ITGA9: variants seen among roughly 807,000 people sequenced by gnomAD.
ITGA9 encodes integrin alpha-9.
In ITGA9, 56 loss-of-function variants were observed where a neutral mutation model predicts 127.8. That is an observed-to-expected ratio of 0.44 (90% CI 0.35 to 0.55). The LOEUF (loss-of-function observed/expected upper bound fraction) is 0.55. ITGA9 is among the 20% of genes least tolerant of loss of function. The pLI, the probability that ITGA9 is intolerant of heterozygous loss-of-function variation, is 0.00. For synonymous variants in ITGA9, 508 were observed against 514.5 expected (o/e 0.99, Z 0.17); for missense variants, 1,196 against 1,347.1 (o/e 0.89, Z 1.76).
intron 26 of ITGA9, among the ~76,000 whole-genome samples, chr3:37,800,123 G>A (rs990022744): frequency 3.9e-5 from 6 of 152,166 alleles, no homozygotes; most frequent in African/African-American, 9.7e-5. Flanking sequence ...GCATTCTTGT[G>A]GAACTTGACA....
rs538281581 is a variant in ITGA9 at position 37,629,906 on chromosome 3, C to T, written c.1839+570C>T. On this transcript the variant is annotated intron_variant, in intron 16 of 27. Transcript: ENST00000264741. This position sits in a 1 kb window ranked among gnomAD's most constrained non-coding sequence, Gnocchi z 4.5. ...CGTATGAAGTAGGAGTGAGCCTGTGCCTGATTTTGTGCAGCAGCGCTGGCC... is the reference window on the plus strand; with the variant it reads ...CGTATGAAGTAGGAGTGAGCCTGTGTCTGATTTTGTGCAGCAGCGCTGGCC... 1.1e-4 allele frequency among the ~76,000 whole-genome samples: 16 copies of T among 152,304 alleles called. No homozygotes were observed. In the East Asian group the frequency reaches 2.7e-3, roughly 26 times the overall value.
chr3:37,770,916 C>G (rs947274806), intron 23 of ITGA9, among the ~76,000 whole-genome samples: 7 of 152,180 alleles, frequency 4.6e-5, no homozygotes, highest in African/African-American at 1.7e-4. Flanking sequence ...GCACAATGTC[C>G]TCTTTGGGGT....
chr3:37,576,482 C>G (rs1465897752), intron 15 of ITGA9, among the ~76,000 whole-genome samples: 1 of 152,102 alleles, frequency 6.6e-6, no homozygotes, highest in African/African-American at 2.4e-5. Context: ...GAAACATTCC[C>G]CCTGGGCTCA....
intron 15 of ITGA9, among the ~76,000 whole-genome samples, chr3:37,586,767 C>T (rs1171741649): frequency 6.6e-6 from 1 of 152,186 alleles, no homozygotes; most frequent in Non-Finnish European, 1.5e-5. Flanking sequence ...CTGGTTATTG[C>T]CTGTGAGGCT....
chr3:37,729,117 C>T (rs952819702), intron 18 of ITGA9, among the ~76,000 whole-genome samples: 1 of 151,524 alleles, frequency 6.6e-6, no homozygotes, highest in Admixed American at 6.6e-5. Context: ...CTGAGTGGAG[C>T]ACCACCAGCA....
At chr3:37,712,808 C>T (rs1701093105) in intron 18 of ITGA9, among the ~76,000 whole-genome samples, 1 of 152,174 alleles carries the variant, frequency 6.6e-6, no homozygotes, top group Non-Finnish European at 1.5e-5. Context: ...CGCATGCCCA[C>T]CTCCTAACGG....
At chr3:37,662,803 G>A (rs754928004) in intron 17 of ITGA9, among the ~76,000 whole-genome samples, 4 of 152,228 alleles carry the variant, frequency 2.6e-5, no homozygotes, top group African/African-American at 4.8e-5. Flanking sequence ...GGGTCACAGA[G>A]AAAGATTTCT....
chr3:37,640,358 T>G (rs1700320482), intron 16 of ITGA9, among the ~76,000 whole-genome samples: 1 of 152,036 alleles, frequency 6.6e-6, no homozygotes, highest in South Asian at 2.1e-4. Flanking sequence ...AGATGGAGTA[T>G]GTGATGTGAC....
chr3:37,513,308 G>A (rs146502840), intron 8 of ITGA9, among the ~76,000 whole-genome samples: 16 of 152,306 alleles, frequency 1.1e-4, no homozygotes, highest in African/African-American at 3.8e-4. Flanking sequence ...GGGCCAGTTA[G>A]CTTTGTCTCA....
intron 26 of ITGA9, among the ~76,000 whole-genome samples, chr3:37,796,890 G>T (rs1697180081): frequency 6.6e-6 from 1 of 152,168 alleles, no homozygotes. Context: ...TAGACAGGAA[G>T]ATTTATCATT....
Position 37,731,635 on chromosome 3 carries a change from A to G in ITGA9, c.2068-1077A>G, listed in dbSNP as rs57309948. 7.5e-3 allele frequency among the ~76,000 whole-genome samples: 1,141 copies of G among 152,348 alleles called. 20 individuals are homozygous for G. Among genetic ancestry groups the G allele is most frequent in the African/African-American group, 0.026 (1,071 of 41,584 alleles). On this transcript the variant is annotated intron_variant, in intron 18 of 27. Coordinates refer to ENST00000264741, the MANE Select transcript of ITGA9 (RefSeq NM_002207.3). Reference sequence around the variant, plus strand: ...TACAAGTTATTAAGTTCCCAGCTCAATGAACTTTCACAAAATGATCAAACC... The same window carrying G: ...TACAAGTTATTAAGTTCCCAGCTCAGTGAACTTTCACAAAATGATCAAACC...
intron 23 of ITGA9, among the ~76,000 whole-genome samples, chr3:37,770,040 T>C (rs1696824570): frequency 1.3e-5 from 2 of 152,160 alleles, no homozygotes; most frequent in African/African-American, 4.8e-5. Flanking sequence ...AGTTTTCTCA[T>C]CTGTAAAAAG....
intron 27 of ITGA9, 84 bp downstream of exon 27, chr3:37,804,026 C>G: frequency 6.3e-7 from 1 of 1,593,402 alleles, no homozygotes; most frequent in South Asian, 1.1e-5. Flanking sequence ...GAAGGAGTAT[C>G]CTGTTAGAGC....
chr3:37,612,959 CTTT>C (rs35973222), intron 15 of ITGA9, among the ~76,000 whole-genome samples: 1 of 140,838 alleles, frequency 7.1e-6, no homozygotes, highest in Non-Finnish European at 1.6e-5. Flanking sequence ...TTGTGCTGTT[CTTT>C]TTTTTTTTTT....
Position 37,518,771 on chromosome 3 carries a change from C to CTTTTTTTT in ITGA9, c.1142-465_1142-458dup, listed in dbSNP as rs543297344. On this transcript the variant is annotated intron_variant, in intron 10 of 27. Coordinates refer to ENST00000264741, the MANE Select transcript of ITGA9 (RefSeq NM_002207.3). ...GTCAGCTTCTATAGTTTTCACTGTACTTTTTTTTTTTTTTTTTTTTTTTTT... is the reference window on the plus strand; with the variant it reads ...GTCAGCTTCTATAGTTTTCACTGTACTTTTTTTTTTTTTTTTTTTTTTTTTTTTTTTTT... Among the ~76,000 whole-genome samples the CTTTTTTTT allele has an allele frequency of 2.0e-3, 87 of 43,516 alleles. 24 individuals carry two copies. The highest frequency in any genetic ancestry group is 3.3e-3 in the African/African-American group (35 of 10,724). The allele number at this position is 43,516 out of a possible 152,430, so 28.5% of individuals were successfully genotyped here.
At chr3:37,737,886 A>G (rs1489127697) in intron 20 of ITGA9, among the ~76,000 whole-genome samples, 4 of 152,140 alleles carry the variant, frequency 2.6e-5, no homozygotes, top group East Asian at 3.9e-4. Context: ...TCCTCTTTCT[A>G]TATAATTTTT....
rs937207453 is a variant in ITGA9 at position 37,799,119 on chromosome 3, A to G, written c.2890-4704A>G. ...CCGTATTTTATATTTATTTCCTTTG[A>G]GTAAGTTTTCAAGTACTGAATTAAT... On this transcript the variant is annotated intron_variant, in intron 26 of 27. Coordinates refer to ENST00000264741, the MANE Select transcript of ITGA9 (RefSeq NM_002207.3). This position sits in a 1 kb window ranked among gnomAD's most constrained non-coding sequence, Gnocchi z 4.0. Among the ~76,000 whole-genome samples, 3 of 152,200 alleles carry G rather than the reference A, an allele frequency of 2.0e-5. No homozygotes were observed. Among genetic ancestry groups the G allele is most frequent in the Non-Finnish European group, 4.4e-5 (3 of 68,044 alleles).
chr3:37,480,800 G>A (rs974927382), intron 3 of ITGA9, among the ~76,000 whole-genome samples: 4 of 152,064 alleles, frequency 2.6e-5, no homozygotes, highest in Admixed American at 2.6e-4. Flanking sequence ...CATCTCCACT[G>A]CCCCTCCTGG....
intron 16 of ITGA9, among the ~76,000 whole-genome samples, chr3:37,645,519 G>A (rs932965681): frequency 3.3e-5 from 5 of 152,030 alleles, no homozygotes; most frequent in African/African-American, 9.7e-5. Context: ...AGCCAAGATC[G>A]TGCCACTGCA....
Sources: gnomAD v4.1 joint callset for allele counts (sites outside exome capture counted in the v4.1 genomes callset) on GRCh38, gnomAD v4.1.1 for gene constraint, Gnocchi (gnomAD v3.1) non-coding constraint, MANE v1.5 for transcripts, NCBI Gene and HGNC (gene_info 2026-07-23, HGNC 2026-07-21) for gene names.